Variants in COL4A3 observed in about 807,000 individuals in gnomAD.
COL4A3 encodes collagen alpha-3(IV) chain.
A neutral mutation model predicts 217.4 loss-of-function variants in COL4A3; 135 were observed. That is an observed-to-expected ratio of 0.62 (90% CI 0.54 to 0.72). The LOEUF (loss-of-function observed/expected upper bound fraction) is 0.72, where lower values mean the gene tolerates loss of function less well. COL4A3 is among the 30% of genes least tolerant of loss of function. The pLI, the probability that COL4A3 is intolerant of heterozygous loss-of-function variation, is 0.00. For synonymous variants in COL4A3, 690 were observed against 736.3 expected, an observed-to-expected ratio of 0.94 and a Z score of 1.02; for missense variants, 1,868 against 2,119.9, an observed-to-expected ratio of 0.88 and a Z score of 2.33.
At chr2:227,307,085 C>G (rs2073536638) in intron 47 of COL4A3, among the ~76,000 whole-genome samples, 1 of 152,096 alleles carries the variant, frequency 6.6e-6, no homozygotes, top group Admixed American at 6.5e-5. Context: ...GAAAGTTTTT[C>G]TCCACAGAGA....
intron 3 of COL4A3, among the ~76,000 whole-genome samples, chr2:227,242,973 C>T (rs898222019): frequency 1.3e-5 from 2 of 152,210 alleles, no homozygotes; most frequent in Non-Finnish European, 2.9e-5. Flanking sequence ...AAACTGAACA[C>T]TGACTTCCTC....
At chr2:227,187,499 G>A (rs766411373) in intron 1 of COL4A3, among the ~76,000 whole-genome samples, 1 of 152,144 alleles carries the variant, frequency 6.6e-6, no homozygotes, top group African/African-American at 2.4e-5. Context: ...TTTCTTGCAG[G>A]GGAGGAAGCT....
chr2:227,282,298 A>C lies in COL4A3; in HGVS notation c.2489-67A>C, dbSNP rs1011341355. 9.8e-6 allele frequency: 7 copies of C among 717,912 alleles called. No individual in the cohort carries two copies. In the South Asian group the frequency reaches 1.1e-4, roughly 11 times the overall value. The allele number at this position is 717,912 out of a possible 1,614,324, so 44.5% of individuals were successfully genotyped here. A position where few individuals can be genotyped will look rare whatever the true frequency, so the allele number is the denominator to read the frequency against. On this transcript the variant is annotated intron_variant, in intron 31 of 51. Coordinates refer to ENST00000396578, the MANE Select transcript of COL4A3 (RefSeq NM_000091.5). The surrounding 1 kb of genome is among the most constrained non-coding windows in gnomAD (Gnocchi z 4.4). ...AAAATATATATATATATATATATAT[A>C]TATTTCTGAAGTTAGTAGGGGAAAG...
intron 23 of COL4A3, 80 bp from the exon 24 acceptor site, chr2:227,269,830 T>C: frequency 1.7e-6 from 2 of 1,207,686 alleles, no homozygotes; most frequent in Non-Finnish European, 2.4e-6. Flanking sequence ...AACACTCTAT[T>C]TTCTTCATAC....
At chr2:227,235,860 G>A (rs1198210342) in intron 1 of COL4A3, among the ~76,000 whole-genome samples, 5 of 138,154 alleles carry the variant, frequency 3.6e-5, no homozygotes, top group African/African-American at 1.1e-4. Context: ...TGCAATCTCC[G>A]CCTCCCAGGT....
chr2:227,301,058 G>T (rs1291134789), intron 43 of COL4A3, among the ~76,000 whole-genome samples: 1 of 152,124 alleles, frequency 6.6e-6, no homozygotes, highest in Non-Finnish European at 1.5e-5. Flanking sequence ...TGGTTTTCTA[G>T]ACTAAGAAGA....
chr2:227,300,211 C>T (rs76712490), intron 43 of COL4A3, among the ~76,000 whole-genome samples: 4,028 of 152,180 alleles, frequency 0.026, 144 homozygotes, highest in East Asian at 0.13. Context: ...GTCTACTGTC[C>T]GGAACATCAC....
chr2:227,229,031 G>A (rs1170731865), intron 1 of COL4A3, among the ~76,000 whole-genome samples: 2 of 152,194 alleles, frequency 1.3e-5, no homozygotes, highest in South Asian at 2.1e-4. Flanking sequence ...AGACTGCCTA[G>A]ACTCACAGAG....
intron 3 of COL4A3, among the ~76,000 whole-genome samples, chr2:227,243,808 A>G (rs564340349): frequency 1.3e-5 from 2 of 152,298 alleles, no homozygotes; most frequent in Admixed American, 6.5e-5. Flanking sequence ...TTACTTGGCT[A>G]TATATTTCCT....
In COL4A3 at chr2:227,245,015, C is replaced by T. The variant is rs368067964; in HGVS notation, c.324+20C>T. On this transcript the variant is annotated intron_variant, in intron 5 of 51. Coordinates refer to ENST00000396578, the MANE Select transcript of COL4A3 (RefSeq NM_000091.5). ...CTTCCAGTAAGTAATGGGAAAAATC[C>T]GTAGCTAGAAAATTTAAAAGTAAGC... is the stretch of plus-strand genomic sequence containing the variant. 106 of 1,608,140 alleles carry T rather than the reference C, an allele frequency of 6.6e-5. No homozygotes were observed. The highest frequency in any genetic ancestry group is 3.3e-4 in the Middle Eastern group (2 of 6,040).
chr2:227,193,070 C>T (rs988332181), intron 1 of COL4A3, among the ~76,000 whole-genome samples: 1 of 152,110 alleles, frequency 6.6e-6, no homozygotes, highest in African/African-American at 2.4e-5. Context: ...TTGAGATGCA[C>T]TAGTTTAGAG....
intron 27 of COL4A3, 44 bp from the exon 28 acceptor site, chr2:227,277,405 G>T (rs960461552): frequency 2.6e-6 from 3 of 1,168,742 alleles, no homozygotes; most frequent in Admixed American, 1.8e-5. Context: ...TAAGATGAAG[G>T]AAAGTTGCTG....
intron 1 of COL4A3, among the ~76,000 whole-genome samples, chr2:227,194,524 G>T (rs146286593): frequency 2.8e-4 from 42 of 152,350 alleles, no homozygotes; most frequent in African/African-American, 8.2e-4. Context: ...CCTTGTGGGA[G>T]CCCCTTTCTG....
chr2:227,273,643 C>G (rs1159622082), intron 26 of COL4A3, among the ~76,000 whole-genome samples: 1 of 152,102 alleles, frequency 6.6e-6, no homozygotes, highest in Non-Finnish European at 1.5e-5. Flanking sequence ...CTACTCCCAA[C>G]CCCAAACAAT....
intron 1 of COL4A3, among the ~76,000 whole-genome samples, chr2:227,196,626 T>A (rs2125719755): frequency 6.6e-6 from 1 of 152,316 alleles, no homozygotes; most frequent in Non-Finnish European, 1.5e-5. Context: ...CGTTTTTATC[T>A]TTTATATTGC....
intron 1 of COL4A3, among the ~76,000 whole-genome samples, chr2:227,204,003 A>T (rs1335427523): frequency 6.6e-6 from 1 of 152,102 alleles, no homozygotes; most frequent in Non-Finnish European, 1.5e-5. Flanking sequence ...TTCAGCCTAG[A>T]TAGAACCTGA....
intron 34 of COL4A3, among the ~76,000 whole-genome samples, chr2:227,286,998 T>C (rs1363545443): frequency 6.6e-6 from 1 of 152,256 alleles, no homozygotes; most frequent in Admixed American, 6.5e-5. Flanking sequence ...TGATGAAAGT[T>C]ACGGTTTAGT....
At position 227,191,032 on chromosome 2, in the gene COL4A3, T is replaced by TA. The variant is rs2066219270; in HGVS notation, c.87+26225dup. On this transcript the variant is annotated intron_variant, in intron 1 of 51. Coordinates refer to ENST00000396578, the MANE Select transcript of COL4A3 (RefSeq NM_000091.5). This position sits in a 1 kb window ranked among gnomAD's most constrained non-coding sequence, Gnocchi z 6.8. ...CACTTCTATTATGTATAGAATTTTT[T>TA]AAAAAATAGATGCAAAGGTTATTAT... 1.3e-5 allele frequency among the ~76,000 whole-genome samples: 2 copies of TA among 152,184 alleles called. No individual in the cohort carries two copies. The highest frequency in any genetic ancestry group is 2.9e-5 in the Non-Finnish European group (2 of 68,036).
At chr2:227,190,195 G>T (rs4673181) in intron 1 of COL4A3, among the ~76,000 whole-genome samples, 84,236 of 152,068 alleles carry the variant, frequency 0.55, 24,172 homozygotes, top group African/African-American at 0.71. Context: ...GAGATCAATT[G>T]TCATATTTTA....
Sources: gnomAD v4.1 joint callset for allele counts (sites outside exome capture counted in the v4.1 genomes callset) on GRCh38, gnomAD v4.1.1 for gene constraint, Gnocchi (gnomAD v3.1) non-coding constraint, MANE v1.5 for transcripts, NCBI Gene and HGNC (gene_info 2026-07-23, HGNC 2026-07-21) for gene names.